The following GLT1D1 variants were observed in gnomAD, a reference collection of about 807,000 sequenced individuals.
The protein encoded by GLT1D1 is glycosyltransferase 1 domain-containing protein 1.
A neutral mutation model predicts 28.7 loss-of-function variants in GLT1D1; 21 were observed. The ratio of observed to expected loss-of-function variants is 0.73; its 90% CI spans 0.52 to 1.05. The LOEUF (loss-of-function observed/expected upper bound fraction) is 1.05, where lower values mean the gene tolerates loss of function less well. GLT1D1 is among the 50% of genes least tolerant of loss of function. GLT1D1 has a pLI of 0.00. For missense variants in GLT1D1, 343 were observed against 330.6 expected (o/e 1.04, Z -0.29); for synonymous variants, 147 against 124.8 (o/e 1.18, Z -1.19).
intron 4 of GLT1D1, among the ~76,000 whole-genome samples, chr12:128,941,719 C>T (rs1310702450): frequency 1.3e-5 from 2 of 151,540 alleles, no homozygotes; most frequent in Non-Finnish European, 2.9e-5. Context: ...ATTACAGGTG[C>T]TCACTCTACC....
chr12:128,874,340 C>A (rs1246778532), intron 1 of GLT1D1, among the ~76,000 whole-genome samples: 3 of 151,218 alleles, frequency 2.0e-5, no homozygotes. Flanking sequence ...CACCACCACA[C>A]CTGGCTAATT....
At chr12:128,950,293 T>C (rs113363290) in intron 6 of GLT1D1, among the ~76,000 whole-genome samples, 1,640 of 152,326 alleles carry the variant, frequency 0.011, 23 homozygotes, top group African/African-American at 0.037. Context: ...TATTCCATGA[T>C]TGAACACTTC....
At chr12:128,915,593 G>T (rs1593126482) in intron 4 of GLT1D1, among the ~76,000 whole-genome samples, 1 of 152,158 alleles carries the variant, frequency 6.6e-6, no homozygotes, top group East Asian at 1.9e-4. Flanking sequence ...TCGAACTCCT[G>T]ATCAGGTGAT....
chr12:128,901,494 T>C (rs1870256450), intron 4 of GLT1D1, among the ~76,000 whole-genome samples: 1 of 150,698 alleles, frequency 6.6e-6, no homozygotes. Flanking sequence ...TGGAGTGCAG[T>C]GGCGCGATCT....
At chr12:128,888,539 C>T (rs771150172) in intron 2 of GLT1D1, 100 bp from the exon 3 acceptor site, 34 of 729,198 alleles carry the variant, frequency 4.7e-5, no homozygotes, top group Non-Finnish European at 7.3e-5. Context: ...ACAGCTCCGG[C>T]GATCTGGGAA....
At chr12:128,973,893 T>TGTGTGTGTAGGGG (rs1276393856) in intron 7 of GLT1D1, among the ~76,000 whole-genome samples, 1 of 76,726 alleles carries the variant, frequency 1.3e-5, no homozygotes, top group Non-Finnish European at 3.3e-5. Flanking sequence ...GTGTAGGGGG[T>TGTGTGTGTAGGGG]GTGTGTGTAG....
chr12:128,926,384 G>C (rs1406294067), intron 4 of GLT1D1: 1 of 1,526,954 alleles, frequency 6.5e-7, no homozygotes, highest in African/African-American at 1.4e-5. Context: ...CTGATAATTT[G>C]CACATATTTC....
intron 7 of GLT1D1, among the ~76,000 whole-genome samples, chr12:128,972,046 C>T (rs1384477600): frequency 6.6e-6 from 1 of 151,796 alleles, no homozygotes; most frequent in Non-Finnish European, 1.5e-5. Flanking sequence ...TCTCCAGGGT[C>T]GCTGCCACAT....
intron 6 of GLT1D1, 85 bp downstream of exon 10, chr12:128,947,543 C>T (rs1030441847): frequency 9.7e-5 from 144 of 1,477,540 alleles, no homozygotes; most frequent in Non-Finnish European, 1.3e-4. Flanking sequence ...ACGTCTTTGT[C>T]AATAACATTC....
chr12:128,949,493 C>A (rs866826989), intron 6 of GLT1D1, among the ~76,000 whole-genome samples: 2 of 152,098 alleles, frequency 1.3e-5, no homozygotes, highest in African/African-American at 4.8e-5. Context: ...AAGGAAGTGA[C>A]CTTTTGACCT....
intron 1 of GLT1D1, among the ~76,000 whole-genome samples, chr12:128,872,279 T>C (rs1267696043): frequency 6.6e-6 from 1 of 152,162 alleles, no homozygotes; most frequent in African/African-American, 2.4e-5. Flanking sequence ...TTGATTTTCA[T>C]GTATGTGCTG....
intron 1 of GLT1D1, among the ~76,000 whole-genome samples, chr12:128,874,063 T>TCTTTCTTTCTTC (rs1956776419): frequency 1.0e-4 from 3 of 30,116 alleles, no homozygotes; most frequent in African/African-American, 6.2e-4. Context: ...CTCCCTCCTT[T>TCTTTCTTTCTTC]CTTTCTTTCT....
At chr12:128,961,117 C>G (rs1441011877) in intron 7 of GLT1D1, among the ~76,000 whole-genome samples, 1 of 152,144 alleles carries the variant, frequency 6.6e-6, no homozygotes, top group Non-Finnish European at 1.5e-5. Context: ...TTTTGTGAAT[C>G]TTTTATAAAA....
At chr12:128,944,320 A>G (rs1424579120) in intron 4 of GLT1D1, 1 of 695,628 alleles carries the variant, frequency 1.4e-6, no homozygotes, top group East Asian at 3.1e-5. Flanking sequence ...AGTTTGGAGG[A>G]AAGCATATCC....
intron 1 of GLT1D1, among the ~76,000 whole-genome samples, chr12:128,854,147 C>G (rs1956146344): frequency 6.6e-6 from 1 of 152,132 alleles, no homozygotes; most frequent in Non-Finnish European, 1.5e-5. Flanking sequence ...TGTCTATTCT[C>G]GTCTTCCTGG....
chr12:128,983,521 C>T lies in GLT1D1; in HGVS notation c.*431C>T, dbSNP rs774175665. ...GTTTGAAAGGCAAAAGCAAAACAGA[C>T]GTGTCAGCTGAGCCGAGTCCTCGCA... On this transcript the variant is annotated 3_prime_UTR_variant, in exon 8 of 8. Coordinates refer to ENST00000281703, the MANE Select transcript of GLT1D1 (RefSeq NM_144669.3). This position sits in a 1 kb window ranked among gnomAD's most constrained non-coding sequence, Gnocchi z 4.7. 4 of 163,586 alleles carry T rather than the reference C, an allele frequency of 2.4e-5. No homozygotes were observed. Among genetic ancestry groups the T allele is most frequent in the Non-Finnish European group, 4.0e-5 (3 of 74,238 alleles). The allele number at this position is 163,586 out of a possible 1,614,324, so 10.1% of individuals were successfully genotyped here. A position where few individuals can be genotyped will look rare whatever the true frequency, so the allele number is the denominator to read the frequency against.
intron 4 of GLT1D1, among the ~76,000 whole-genome samples, chr12:128,901,477 C>T (rs1870255559): frequency 6.6e-6 from 1 of 150,910 alleles, no homozygotes; most frequent in African/African-American, 2.4e-5. Context: ...CGCTCTGTCG[C>T]CCAGGCTGGA....
At position 128,877,520 on chromosome 12, in the gene GLT1D1, C is replaced by T. The variant is rs550955214; in HGVS notation, c.217+1458C>T. Among the ~76,000 whole-genome samples the T allele has an allele frequency of 1.6e-4, 24 of 152,284 alleles. No homozygotes were observed. In the East Asian group the frequency reaches 3.3e-3, roughly 21 times the overall value. On this transcript the variant is annotated intron_variant, in intron 2 of 7. Coordinates refer to ENST00000281703, the MANE Select transcript of GLT1D1 (RefSeq NM_144669.3). Reference sequence around the variant, plus strand: ...TGAACACTCTCTTCATATATGGGCACATCTTACTATGTGTTCTTTTTTATT... The same window carrying T: ...TGAACACTCTCTTCATATATGGGCATATCTTACTATGTGTTCTTTTTTATT...
At chr12:128,939,836 A>AGC (rs1212803088) in intron 4 of GLT1D1, among the ~76,000 whole-genome samples, 3 of 78,498 alleles carry the variant, frequency 3.8e-5, no homozygotes, top group South Asian at 4.3e-4. Flanking sequence ...AATTGTTAGA[A>AGC]ACCCCCCCCC....
Sources: allele counts gnomAD v4.1 joint callset (sites outside exome capture counted in the v4.1 genomes callset), GRCh38; gene constraint gnomAD v4.1.1; non-coding constraint Gnocchi (gnomAD v3.1); transcripts MANE v1.5; gene names NCBI Gene and HGNC (gene_info 2026-07-23, HGNC 2026-07-21).